The following DSCAM variants were observed in gnomAD, a reference collection of about 807,000 sequenced individuals.
DSCAM encodes the protein DS cell adhesion molecule, also known as cell adhesion molecule DSCAM.
Under a neutral mutation model 217.7 loss-of-function variants are expected in DSCAM, and 47 were observed. The observed-to-expected ratio is 0.22, with a 90% confidence interval of 0.17 to 0.28. The LOEUF (loss-of-function observed/expected upper bound fraction) is 0.28. DSCAM is among the 10% of genes least tolerant of loss of function. DSCAM has a pLI of 1.00. For synonymous variants in DSCAM, 1,056 were observed against 1,015.3 expected (o/e 1.04, Z -0.76); for missense variants, 2,080 against 2,618.3 (o/e 0.79, Z 4.49).
At chr21:40,445,099 T>A (rs1028767649) in intron 3 of DSCAM, among the ~76,000 whole-genome samples, 1 of 152,180 alleles carries the variant, frequency 6.6e-6, no homozygotes, top group African/African-American at 2.4e-5. Context: ...TATCCTCACA[T>A]GGTGGAAGAG....
chr21:40,116,728 C>T (rs1335502794), intron 20 of DSCAM, among the ~76,000 whole-genome samples: 2 of 150,998 alleles, frequency 1.3e-5, no homozygotes, highest in Admixed American at 6.6e-5. Context: ...TTCGACCGGG[C>T]GCGGTGGCTC....
In DSCAM at chr21:40,533,643, G is replaced by GTCCA. The variant is rs1162436222; in HGVS notation, c.508+159163_508+159166dup. On this transcript the variant is annotated intron_variant, in intron 3 of 32. Transcript: ENST00000400454. Reference sequence around the variant, plus strand: ...CATCCATCCAACCCTCCATCCATCTGTCCATCCATCCATCCATCCATTCAT... The same window carrying GTCCA: ...CATCCATCCAACCCTCCATCCATCTGTCCATCCATCCATCCATCCATCCATTCAT... Among the ~76,000 whole-genome samples, 7 of 85,926 alleles carry GTCCA rather than the reference G, an allele frequency of 8.1e-5. No homozygotes were observed. The South Asian group carries it at 1.7e-3, about 21-fold the overall frequency. The allele number at this position is 85,926 out of a possible 152,430, so 56.4% of individuals were successfully genotyped here.
chr21:40,436,385 G>A (rs546619176), intron 3 of DSCAM, among the ~76,000 whole-genome samples: 1 of 152,322 alleles, frequency 6.6e-6, no homozygotes, highest in Admixed American at 6.5e-5. Context: ...ATAGTCCTCT[G>A]GGGGAAGAAC....
intron 3 of DSCAM, among the ~76,000 whole-genome samples, chr21:40,569,003 C>T (rs1018794638): frequency 6.6e-6 from 1 of 152,174 alleles, no homozygotes; most frequent in African/African-American, 2.4e-5. Context: ...TGCCTAATCC[C>T]AGATAGGCTG....
At chr21:40,636,118 C>T (rs998895276) in intron 3 of DSCAM, among the ~76,000 whole-genome samples, 8 of 152,090 alleles carry the variant, frequency 5.3e-5, no homozygotes, top group African/African-American at 1.7e-4. Flanking sequence ...TTTCATTTTC[C>T]TACTTCTGAG....
rs111898748 is a variant in DSCAM at position 40,575,907 on chromosome 21, T to C, written c.508+116903A>G. ...CACATGTAACAGCATCATTAGTAAT[T>C]AGATAAAGACAAATTTAAACAATAA... On this transcript the variant is annotated intron_variant, in intron 3 of 32. Transcript: ENST00000400454. Among the ~76,000 whole-genome samples, 1,393 of 152,238 alleles carry C rather than the reference T, an allele frequency of 9.2e-3. 12 individuals carry two copies. The highest frequency in any genetic ancestry group is 0.032 in the African/African-American group (1,313 of 41,548).
In DSCAM at chr21:40,780,443, A is replaced by ATATATATATATG. The variant is rs1157668991; in HGVS notation, c.43+66175_43+66176insCATATATATATA. On this transcript the variant is annotated intron_variant, in intron 1 of 32. Coordinates refer to ENST00000400454, the MANE Select transcript of DSCAM (RefSeq NM_001389.5). ...TGTGTGTATATATATATATATATAT[A>ATATATATATATG]TATATCTCCTGTTATCCTATTTATG... Among the ~76,000 whole-genome samples the ATATATATATATG allele has an allele frequency of 4.9e-5, 7 of 143,548 alleles. No homozygotes were observed. The East Asian group carries it at 1.2e-3, about 25-fold the overall frequency. The allele number at this position is 143,548 out of a possible 152,430, so 94.2% of individuals were successfully genotyped here. A position where few individuals can be genotyped will look rare whatever the true frequency, so the allele number is the denominator to read the frequency against.
intron 1 of DSCAM, among the ~76,000 whole-genome samples, chr21:40,818,222 C>G (rs183512600): frequency 1.1e-3 from 165 of 151,614 alleles, no homozygotes; most frequent in African/African-American, 3.7e-3. Flanking sequence ...GCACCCCGCC[C>G]CCATGCGATG....
chr21:40,205,892 C>T (rs2837499), intron 11 of DSCAM, among the ~76,000 whole-genome samples: 76,897 of 151,984 alleles, frequency 0.51, 19,927 homozygotes, highest in African/African-American at 0.63. Context: ...GATTGTTGCA[C>T]TGCTCTCTCC....
chr21:40,049,759 C>T (rs1306840452), intron 30 of DSCAM, among the ~76,000 whole-genome samples: 1 of 152,184 alleles, frequency 6.6e-6, no homozygotes, highest in African/African-American at 2.4e-5. Flanking sequence ...TGCGTCCTGC[C>T]TGGCACTCGC....
chr21:40,357,765 A>G (rs989488786), intron 4 of DSCAM, among the ~76,000 whole-genome samples: 2 of 152,216 alleles, frequency 1.3e-5, no homozygotes. Context: ...AATGTTAAAT[A>G]ACGAGTTAAT....
chr21:40,114,883 A>T (rs2089948344), intron 20 of DSCAM, among the ~76,000 whole-genome samples: 1 of 152,244 alleles, frequency 6.6e-6, no homozygotes, highest in Non-Finnish European at 1.5e-5. Context: ...CACACCAGTT[A>T]GAATGGCTAT....
At chr21:40,277,824 A>G (rs2073707815) in intron 10 of DSCAM, among the ~76,000 whole-genome samples, 1 of 149,608 alleles carries the variant, frequency 6.7e-6, no homozygotes, top group Non-Finnish European at 1.5e-5. Flanking sequence ...AGCTGAGATC[A>G]CGGCGCTGCA....
intron 8 of DSCAM, among the ~76,000 whole-genome samples, chr21:40,312,714 A>T (rs980965319): frequency 1.3e-5 from 2 of 152,140 alleles, no homozygotes; most frequent in African/African-American, 4.8e-5. Context: ...ATACAAGAGG[A>T]GGTTTCTTTC....
rs752888575 is a variant in DSCAM at position 40,818,232 on chromosome 21, GTGT to G, written c.43+28384_43+28386del. ...TGGAGGCACCCCGCCCCCATGCGAT[GTGT>G]TGTTTTCTTTTTAAAAAAAAGACAA... is the stretch of plus-strand genomic sequence containing the variant. On this transcript the variant is annotated intron_variant, in intron 1 of 32. Coordinates refer to ENST00000400454, the MANE Select transcript of DSCAM (RefSeq NM_001389.5). Among the ~76,000 whole-genome samples, 64 of 151,274 alleles carry G rather than the reference GTGT, an allele frequency of 4.2e-4. 1 individual carries two copies. Among genetic ancestry groups the G allele is most frequent in the Middle Eastern group, 3.4e-3 (1 of 294 alleles).
chr21:40,499,118 A>T (rs961231189), intron 3 of DSCAM, among the ~76,000 whole-genome samples: 1 of 152,034 alleles, frequency 6.6e-6, no homozygotes, highest in Non-Finnish European at 1.5e-5. Context: ...AAATCATCTA[A>T]ATTTACCTAA....
At chr21:40,055,262 GTGTT>G (rs1207873019) in intron 29 of DSCAM, among the ~76,000 whole-genome samples, 1 of 152,156 alleles carries the variant, frequency 6.6e-6, no homozygotes, top group African/African-American at 2.4e-5. Context: ...ACAAAGACAT[GTGTT>G]TGTTTAAGTG....
intron 3 of DSCAM, among the ~76,000 whole-genome samples, chr21:40,522,651 G>A (rs150287007): frequency 1.5e-4 from 23 of 152,252 alleles, no homozygotes; most frequent in African/African-American, 5.5e-4. Context: ...AAACAGAATT[G>A]ATCAGCTGAT....
chr21:40,085,786 T>C, intron 22 of DSCAM, 21 bp from the exon 23 acceptor site: 1 of 1,470,916 alleles, frequency 6.8e-7, no homozygotes, highest in East Asian at 2.4e-5. Flanking sequence ...GGAAGAAAAA[T>C]GCACAGATTA....
Sources: allele counts gnomAD v4.1 joint callset (sites outside exome capture counted in the v4.1 genomes callset), GRCh38; gene constraint gnomAD v4.1.1; transcripts MANE v1.5; gene names NCBI Gene and HGNC (gene_info 2026-07-23, HGNC 2026-07-21).